EIF3K: variants seen among roughly 807,000 people sequenced by gnomAD.
EIF3K encodes eukaryotic translation initiation factor 3 subunit K.
A neutral mutation model predicts 34.2 loss-of-function variants in EIF3K; 27 were observed. That is an observed-to-expected ratio of 0.79 (90% CI 0.58 to 1.09). The LOEUF (loss-of-function observed/expected upper bound fraction) is 1.09. Ranked by LOEUF, EIF3K falls within the 50% of genes least tolerant of loss-of-function variation. The probability of loss-of-function intolerance (pLI) is 0.00; values close to 1 mark genes in which losing one functional copy is unlikely to be tolerated. For missense variants in EIF3K, 232 were observed against 275.4 expected, an observed-to-expected ratio of 0.84 and a Z score of 1.11; for synonymous variants, 105 against 105.7, an observed-to-expected ratio of 0.99 and a Z score of 0.04.
Position 38,636,944 on chromosome 19 carries a change from G to T in EIF3K, c.*24G>T. On this transcript the variant is annotated 3_prime_UTR_variant, in exon 8 of 8. Coordinates refer to ENST00000248342, the MANE Select transcript of EIF3K (RefSeq NM_013234.4). ...AACTTCAGGTGTTTAATAAAGATGT[G>T]TTGACTCAGCCCTACTGTCTCCTCC... 6.2e-7 allele frequency: 1 copy of T among 1,614,004 alleles called. No homozygotes were observed. The highest frequency in any genetic ancestry group is 8.5e-7 in the Non-Finnish European group (1 of 1,179,928).
intron 5 of EIF3K, 34 bp downstream of exon 5, chr19:38,632,530 G>A: frequency 6.2e-7 from 1 of 1,613,902 alleles, no homozygotes; most frequent in Non-Finnish European, 8.5e-7. Flanking sequence ...CTCCCCAAGG[G>A]GAAGGGGTAG....
chr19:38,622,223 G>A (rs1030178270), intron 2 of EIF3K, among the ~76,000 whole-genome samples: 25 of 151,130 alleles, frequency 1.7e-4, no homozygotes, highest in Admixed American at 3.3e-4. Context: ...CTCCTGCCTC[G>A]GCCTCCTAAG....
intron 6 of EIF3K, among the ~76,000 whole-genome samples, chr19:38,634,608 A>AAG (rs1382563046): frequency 6.6e-6 from 1 of 152,124 alleles, no homozygotes; most frequent in African/African-American, 2.4e-5. Context: ...TCAAAAAAAA[A>AAG]AAAGTGTATT....
intron 6 of EIF3K, among the ~76,000 whole-genome samples, 195 bp from the exon 7 acceptor site, chr19:38,634,798 C>T (rs773670969): frequency 2.6e-5 from 4 of 152,268 alleles, no homozygotes; most frequent in Non-Finnish European, 4.4e-5. Flanking sequence ...CTCCCTCTGG[C>T]GGCCATTCAG....
chr19:38,636,484 A>G (rs1041273210), intron 7 of EIF3K, among the ~76,000 whole-genome samples: 1 of 152,176 alleles, frequency 6.6e-6, no homozygotes, highest in Non-Finnish European at 1.5e-5. Flanking sequence ...CTGTGTCTCA[A>G]AAAAAAACTT....
intron 6 of EIF3K, among the ~76,000 whole-genome samples, chr19:38,634,750 G>C (rs973873435): frequency 6.6e-6 from 1 of 152,164 alleles, no homozygotes; most frequent in African/African-American, 2.4e-5. Context: ...TAGAAATTAA[G>C]GCAGAAGCCC....
At chr19:38,631,960 G>A (rs948460557) in intron 4 of EIF3K, 12 of 187,590 alleles carry the variant, frequency 6.4e-5, no homozygotes, top group South Asian at 4.0e-4. Flanking sequence ...CAGGGAGCAC[G>A]GGGTAAGGTT....
intron 2 of EIF3K, among the ~76,000 whole-genome samples, chr19:38,620,660 G>A: frequency 6.6e-6 from 1 of 152,160 alleles, no homozygotes; most frequent in East Asian, 1.9e-4. Flanking sequence ...TTGGGAGGAT[G>A]AGGCAGGCGG....
chr19:38,625,138 T>C (rs537692301), intron 3 of EIF3K, among the ~76,000 whole-genome samples: 1 of 149,730 alleles, frequency 6.7e-6, no homozygotes, highest in Non-Finnish European at 1.5e-5. Context: ...TTAAGGTGGG[T>C]TTTTTTTTGT....
chr19:38,634,425 C>A (rs1349739037), intron 6 of EIF3K, among the ~76,000 whole-genome samples: 1 of 151,312 alleles, frequency 6.6e-6, no homozygotes, highest in African/African-American at 2.4e-5. Flanking sequence ...ATGGAGAAAC[C>A]CCATCTCTAC....
chr19:38,627,677 A>G (rs77167134), intron 4 of EIF3K, among the ~76,000 whole-genome samples: 2 of 146,120 alleles, frequency 1.4e-5, no homozygotes, highest in Non-Finnish European at 3.0e-5. Flanking sequence ...CTCCGTCTCA[A>G]AAAAAAAAAA....
chr19:38,628,240 G>A (rs1420478126), intron 4 of EIF3K, among the ~76,000 whole-genome samples: 1 of 152,060 alleles, frequency 6.6e-6, no homozygotes, highest in Non-Finnish European at 1.5e-5. Flanking sequence ...CTGATACTTG[G>A]GTCCTCCCTC....
intron 4 of EIF3K, among the ~76,000 whole-genome samples, chr19:38,631,391 C>G (rs538300741): frequency 6.7e-4 from 102 of 152,232 alleles, no homozygotes; most frequent in African/African-American, 2.4e-3. Flanking sequence ...CAGGTAAACA[C>G]GTGAACAAAG....
chr19:38,624,805 C>G (rs937980275), intron 3 of EIF3K, among the ~76,000 whole-genome samples: 1 of 151,914 alleles, frequency 6.6e-6, no homozygotes, highest in East Asian at 1.9e-4. Context: ...GACATGAACA[C>G]AGCCATCTGT....
chr19:38,634,485 C>A (rs1175526719), intron 6 of EIF3K, among the ~76,000 whole-genome samples: 1 of 151,650 alleles, frequency 6.6e-6, no homozygotes, highest in East Asian at 2.0e-4. Flanking sequence ...ATAATCCCAG[C>A]TACTCGGGAG....
chr19:38,632,420 C>T lies in EIF3K; in HGVS notation c.355-10C>T. ...AGAATAAACATTGTGAACATCAATTCCCATCACAGCAAGCCCTGGATGAAA... is the reference window on the plus strand; with the variant it reads ...AGAATAAACATTGTGAACATCAATTTCCATCACAGCAAGCCCTGGATGAAA... On this transcript the variant is annotated splice_polypyrimidine_tract_variant and intron_variant, in intron 4 of 7. Coordinates refer to ENST00000248342, the MANE Select transcript of EIF3K (RefSeq NM_013234.4). 1 of 1,612,306 alleles carries T rather than the reference C, an allele frequency of 6.2e-7. No homozygotes were observed. The highest frequency in any genetic ancestry group is 8.5e-7 in the Non-Finnish European group (1 of 1,178,424).
chr19:38,627,952 T>G (rs1382212628), intron 4 of EIF3K, among the ~76,000 whole-genome samples: 1 of 149,862 alleles, frequency 6.7e-6, no homozygotes, highest in East Asian at 1.9e-4. Context: ...TCACCCAGGC[T>G]GGAATGCAGT....
chr19:38,626,312 C>T (rs751561876), intron 4 of EIF3K: 1 of 593,260 alleles, frequency 1.7e-6, no homozygotes, highest in Non-Finnish European at 3.0e-6. Context: ...ACCCTTTCCC[C>T]TTTCTCCCAT....
chr19:38,626,189 G>T lies in EIF3K; in HGVS notation c.354+87G>T, dbSNP rs115118435. 1,359 of 1,280,374 alleles carry T rather than the reference G, an allele frequency of 1.1e-3. 6 individuals carry two copies. In the African/African-American group the frequency reaches 0.018, roughly 17 times the overall value. 79.3% of individuals were successfully genotyped at this position (1,280,374 alleles called of 1,614,324 possible). A position where few individuals can be genotyped will look rare whatever the true frequency, so the allele number is the denominator to read the frequency against. ...AAGTAACAACGGTGCACACTGACTG[G>T]CTTCCTGCTTTGGCGGTGGGCCCAG... On this transcript the variant is annotated intron_variant, in intron 4 of 7. Transcript: ENST00000248342.
Sources: gnomAD v4.1 joint callset for allele counts (sites outside exome capture counted in the v4.1 genomes callset) on GRCh38, gnomAD v4.1.1 for gene constraint, MANE v1.5 for transcripts, NCBI Gene and HGNC (gene_info 2026-07-23, HGNC 2026-07-21) for gene names.